The following STIP1 variants were observed in gnomAD, a reference collection of about 807,000 sequenced individuals.
The protein encoded by STIP1 is stress induced phosphoprotein 1.
In STIP1, 16 loss-of-function variants were observed where a neutral mutation model predicts 77.4. The ratio of observed to expected loss-of-function variants is 0.21; its 90% CI spans 0.14 to 0.31. The LOEUF (loss-of-function observed/expected upper bound fraction) is 0.31. Among genes scored for constraint, STIP1 ranks in the 10% least tolerant of loss-of-function variants. The probability of loss-of-function intolerance (pLI) is 1.00; values close to 1 mark genes in which losing one functional copy is unlikely to be tolerated. For synonymous variants in STIP1, 258 were observed against 246.6 expected (o/e 1.05, Z -0.44); for missense variants, 524 against 684.8 (o/e 0.77, Z 2.62).
rs549850848 is a variant in STIP1, at chr11:64,203,687, G to A, written c.1559+65G>A. 2.5e-5 allele frequency: 40 copies of A among 1,596,508 alleles called. No individual in the cohort carries two copies. In the African/African-American group the frequency reaches 3.2e-4, roughly 13 times the overall value. ...AACAAAAGCAGGCAGATGAGTGCAC[G>A]CGGCTGGGGGGTGGTATGCTCAGTC... On this transcript the variant is annotated intron_variant, in intron 13 of 13. Coordinates refer to ENST00000305218, the MANE Select transcript of STIP1 (RefSeq NM_006819.3).
intron 1 of STIP1, 65 bp downstream of exon 1, chr11:64,186,335 G>GGT: frequency 2.1e-6 from 1 of 485,996 alleles, no homozygotes; most frequent in Non-Finnish European, 3.3e-6. Flanking sequence ...CCAGGCCGCG[G>GGT]TAGGGGGGCG....
At chr11:64,188,242 G>GC (rs1946049488) in intron 1 of STIP1, among the ~76,000 whole-genome samples, 1 of 151,422 alleles carries the variant, frequency 6.6e-6, no homozygotes, top group South Asian at 2.1e-4. Context: ...TATTGGAGAG[G>GC]CTGAGATAGG....
At chr11:64,185,785 G>A (rs1212331622), upstream of STIP1, 1 of 1,533,384 alleles carries the variant, frequency 6.5e-7, no homozygotes, top group Non-Finnish European at 8.7e-7. Context: ...GCAACCCTCC[G>A]CCCAATTGGA....
chr11:64,196,292 A>G (rs1784731813), intron 5 of STIP1, among the ~76,000 whole-genome samples: 1 of 148,678 alleles, frequency 6.7e-6, no homozygotes, highest in South Asian at 2.2e-4. Context: ...GCTACTCGGG[A>G]GGCTGAGGCA....
chr11:64,186,240 G>A lies in STIP1; in HGVS notation c.-22G>A, dbSNP rs1378404247. ...CGGAGCGGACGGATTCGATTCAACG[G>A]GGTTCCGGACCGCGCTGCGCTATGG... On this transcript the variant is annotated 5_prime_UTR_variant, in exon 1 of 14. Transcript: ENST00000305218. 24 of 1,550,518 alleles carry A rather than the reference G, an allele frequency of 1.5e-5. No homozygotes were observed. Among genetic ancestry groups the A allele is most frequent in the Non-Finnish European group, 1.9e-5 (22 of 1,146,968 alleles).
In STIP1 at chr11:64,204,329, G is replaced by A; in HGVS notation, c.*203G>A. The A allele has an allele frequency of 1.7e-6, 1 of 578,950 alleles. No homozygotes were observed. The highest frequency in any genetic ancestry group is 3.0e-6 in the Non-Finnish European group (1 of 331,872). The allele number at this position is 578,950 out of a possible 1,614,324, so 35.9% of individuals were successfully genotyped here. On this transcript the variant is annotated 3_prime_UTR_variant, in exon 14 of 14. Coordinates refer to ENST00000305218, the MANE Select transcript of STIP1 (RefSeq NM_006819.3). ...TCTGGGCCCTCCCAGCACACGCATGGTCTCTTCACCGCTGCCCTCGAGTTC... is the reference window on the plus strand; with the variant it reads ...TCTGGGCCCTCCCAGCACACGCATGATCTCTTCACCGCTGCCCTCGAGTTC...
rs1382810690 is a variant in STIP1, at chr11:64,193,126, A to G, written c.58A>G (p.Ile20Val). The G allele has an allele frequency of 1.2e-6, 2 of 1,614,104 alleles. No individual in the cohort carries two copies. The highest frequency in any genetic ancestry group is 2.2e-5 in the East Asian group (1 of 44,896). ...CAACAAGGCCCTGAGCGTGGGTAAC[A>G]TCGATGATGCCTTACAGTGCTACTC... Reference protein sequence around the residue: ...KGNKALSVGNIDDALQCYSEA... With the variant: ...KGNKALSVGNVDDALQCYSEA... The change falls in exon 2 of 14, where the codon ATC (isoleucine) becomes GTC (valine). Residue 20 changes from isoleucine (I) to valine (V), a missense_variant. Ile to Val is a conservative substitution (Grantham distance 29, BLOSUM62 3). Coordinates refer to ENST00000305218, the MANE Select transcript of STIP1 (RefSeq NM_006819.3).
At chr11:64,202,021 G>A (rs1946223987) in intron 10 of STIP1, among the ~76,000 whole-genome samples, 1 of 152,204 alleles carries the variant, frequency 6.6e-6, no homozygotes, top group African/African-American at 2.4e-5. Flanking sequence ...GTTTGCGAAA[G>A]GAAATTGTAT....
upstream of STIP1, chr11:64,185,331 C>T (rs898425888): frequency 1.2e-5 from 2 of 171,306 alleles, no homozygotes; most frequent in African/African-American, 4.8e-5. Context: ...GTGTGCGGTT[C>T]CACTGAGGAC....
At chr11:64,199,102 A>G (rs530664854) in intron 8 of STIP1, among the ~76,000 whole-genome samples, 16 of 151,992 alleles carry the variant, frequency 1.1e-4, no homozygotes, top group African/African-American at 3.6e-4. Context: ...CAGGAGGATG[A>G]GGCAGGAGAA....
chr11:64,186,055 A>C, upstream of STIP1: 4 of 1,546,480 alleles, frequency 2.6e-6, no homozygotes, highest in Non-Finnish European at 3.5e-6. Flanking sequence ...TCCAATGAGA[A>C]GGAAGTGGAG....
In STIP1 at chr11:64,196,943, T is replaced by G. The variant is rs527965594; in HGVS notation, c.673-328T>G. On this transcript the variant is annotated intron_variant, in intron 5 of 13. Transcript: ENST00000305218. ...CACCAGATCTGCTGCAGCCTCAGAA[T>G]AAAGCCTGGTCCAAAACTCTGCTGT... The G allele has an allele frequency of 3.0e-5, 8 of 271,042 alleles. No homozygotes were observed. The South Asian group carries it at 3.7e-4, about 13-fold the overall frequency. 16.8% of individuals were successfully genotyped at this position (271,042 alleles called of 1,614,324 possible).
intron 4 of STIP1, among the ~76,000 whole-genome samples, chr11:64,195,151 TC>T (rs201201154): frequency 0.013 from 2,022 of 152,280 alleles, 29 homozygotes; most frequent in South Asian, 0.086. Context: ...TCTCGCTCTG[TC>T]CCCTAGGCTG....
chr11:64,203,846 C>T (rs1946249878), intron 13 of STIP1: 2 of 767,394 alleles, frequency 2.6e-6, no homozygotes, highest in Admixed American at 5.3e-5. Context: ...GGAGAAAGGT[C>T]TTGACTGGAA....
intron 1 of STIP1, among the ~76,000 whole-genome samples, chr11:64,191,643 G>A (rs1458765101): frequency 1.3e-5 from 2 of 152,078 alleles, no homozygotes; most frequent in Non-Finnish European, 2.9e-5. Flanking sequence ...CTTCTCAAGG[G>A]GTTGCCTGCC....
At position 64,204,289 on chromosome 11, in the gene STIP1, T is replaced by G. The variant is rs1946258913; in HGVS notation, c.*163T>G. ...CACAGAGACTCGTACCTGCGCTGTT[T>G]GTGCCGCCGCTGCCTCTGGGCCCTC... On this transcript the variant is annotated 3_prime_UTR_variant, in exon 14 of 14. Coordinates refer to ENST00000305218, the MANE Select transcript of STIP1 (RefSeq NM_006819.3). The G allele has an allele frequency of 1.0e-5, 7 of 687,118 alleles. 1 individual carries two copies. In the South Asian group the frequency reaches 1.4e-4, roughly 14 times the overall value. 42.6% of individuals were successfully genotyped at this position (687,118 alleles called of 1,614,324 possible). A position where few individuals can be genotyped will look rare whatever the true frequency, so the allele number is the denominator to read the frequency against.
intron 10 of STIP1, 149 bp downstream of exon 10, chr11:64,200,442 TAGGA>T: frequency 2.3e-6 from 3 of 1,294,594 alleles, no homozygotes; most frequent in Non-Finnish European, 2.1e-6. Context: ...CCTGAGGAGC[TAGGA>T]CCACAGGCTC....
chr11:64,187,135 T>G (rs1296462171), intron 1 of STIP1, among the ~76,000 whole-genome samples: 2 of 152,066 alleles, frequency 1.3e-5, no homozygotes, highest in Admixed American at 1.3e-4. Flanking sequence ...TACTGAGCAT[T>G]TGAGGGGCCG....
At chr11:64,186,779 G>T (rs1049838225) in intron 1 of STIP1, among the ~76,000 whole-genome samples, 4 of 152,204 alleles carry the variant, frequency 2.6e-5, no homozygotes, top group Admixed American at 1.3e-4. Context: ...GAGTAGCCGA[G>T]GATCTTAGCA....
Sources: gnomAD v4.1 joint callset for allele counts (sites outside exome capture counted in the v4.1 genomes callset) on GRCh38, gnomAD v4.1.1 for gene constraint, MANE v1.5 for transcripts, NCBI Gene and HGNC (gene_info 2026-07-23, HGNC 2026-07-21) for gene names.